The following NBEA variants were observed in gnomAD, a reference collection of about 807,000 sequenced individuals.
NBEA encodes neurobeachin.
Under a neutral mutation model 343.4 loss-of-function variants are expected in NBEA, and 44 were observed. The observed-to-expected ratio is 0.13, with a 90% confidence interval of 0.10 to 0.16. The LOEUF is 0.16. Among genes scored for constraint, NBEA ranks in the 10% least tolerant of loss-of-function variants. The pLI is 1.00. For missense variants in NBEA, 2,555 were observed against 3,631.3 expected (o/e 0.70, Z 7.62); for synonymous variants, 1,175 against 1,238.7 (o/e 0.95, Z 1.08).
Position 35,374,470 on chromosome 13 carries a change from G to A in NBEA, c.6179+22147G>A, listed in dbSNP as rs568696450. The stretch of plus-strand genomic sequence containing the variant: ...TAAATGAGCACGTGGCACCAAGAGA[G>A]TTGCTTGATACAGGGTTGTCACAGA... On this transcript the variant is annotated intron_variant, in intron 38 of 58. Coordinates refer to ENST00000379939, the MANE Select transcript of NBEA (RefSeq NM_001385012.1). Among the ~76,000 whole-genome samples, 5 of 152,304 alleles carry A rather than the reference G, an allele frequency of 3.3e-5. No individual in the cohort carries two copies. In the South Asian group the frequency reaches 1.0e-3, roughly 32 times the overall value.
chr13:35,342,112 T>C lies in NBEA; in HGVS notation c.5904-6996T>C, dbSNP rs1174442402. Among the ~76,000 whole-genome samples the C allele has an allele frequency of 2.0e-5, 3 of 152,132 alleles. No homozygotes were observed. The East Asian group carries it at 5.8e-4, about 30-fold the overall frequency. ...CTACCTGAAAGAAGCCAGACACATA[T>C]TGTATGATTCCATTTAAATGAAATG... is the stretch of plus-strand genomic sequence containing the variant. On this transcript the variant is annotated intron_variant, in intron 36 of 58. Transcript: ENST00000379939.
intron 34 of NBEA, 38 bp from the exon 35 acceptor site, chr13:35,290,351 T>G: frequency 2.2e-6 from 3 of 1,337,726 alleles, no homozygotes; most frequent in Non-Finnish European, 3.2e-6. Flanking sequence ...ATTTCTGCCA[T>G]TGTAATTTCA....
At chr13:35,556,393 G>A (rs995568219) in intron 44 of NBEA, among the ~76,000 whole-genome samples, 1 of 152,026 alleles carries the variant, frequency 6.6e-6, no homozygotes, top group Non-Finnish European at 1.5e-5. Flanking sequence ...TGGAGCATAA[G>A]TTGAATTTTA....
chr13:35,189,005 C>T (rs2152736263), intron 30 of NBEA, among the ~76,000 whole-genome samples: 1 of 151,110 alleles, frequency 6.6e-6, no homozygotes, highest in South Asian at 2.1e-4. Context: ...CTGCAACCTC[C>T]ACCTCCCGGG....
chr13:35,288,683 T>G (rs931759218), intron 34 of NBEA, among the ~76,000 whole-genome samples: 2 of 151,958 alleles, frequency 1.3e-5, no homozygotes, highest in African/African-American at 4.8e-5. Context: ...CAATTTCATG[T>G]TTTTCCAATT....
intron 40 of NBEA, among the ~76,000 whole-genome samples, chr13:35,470,251 G>T (rs937884016): frequency 1.3e-5 from 2 of 152,248 alleles, no homozygotes; most frequent in Middle Eastern, 3.4e-3. Context: ...AAAGGAAGCC[G>T]TCCCCTTTCA....
intron 34 of NBEA, among the ~76,000 whole-genome samples, chr13:35,238,671 G>A (rs767164441): frequency 2.0e-5 from 3 of 152,130 alleles, no homozygotes; most frequent in Non-Finnish European, 4.4e-5. Flanking sequence ...AGGTGTCTGA[G>A]ATACATGAGG....
At chr13:35,093,918 C>G (rs2065204510) in intron 10 of NBEA, among the ~76,000 whole-genome samples, 2 of 151,556 alleles carry the variant, frequency 1.3e-5, no homozygotes, top group South Asian at 4.2e-4. Context: ...ATGAAAGGAG[C>G]TTATAATAAA....
At chr13:35,151,312 G>A (rs1017703828) in intron 18 of NBEA, among the ~76,000 whole-genome samples, 2 of 151,962 alleles carry the variant, frequency 1.3e-5, no homozygotes, top group Admixed American at 6.6e-5. Flanking sequence ...GGGAGGCCGA[G>A]GTGGGTGGAT....
chr13:34,995,714 ACT>A (rs1230477132), intron 1 of NBEA, among the ~76,000 whole-genome samples: 4 of 152,174 alleles, frequency 2.6e-5, no homozygotes, highest in Non-Finnish European at 5.9e-5. Flanking sequence ...TAACTAATAA[ACT>A]CAGCTTTTTG....
chr13:35,491,332 C>T (rs1179902239), intron 41 of NBEA, among the ~76,000 whole-genome samples: 1 of 151,860 alleles, frequency 6.6e-6, no homozygotes, highest in African/African-American at 2.4e-5. Flanking sequence ...ACATTGATCA[C>T]TCTTAAATTT....
intron 41 of NBEA, among the ~76,000 whole-genome samples, chr13:35,486,233 C>G (rs1447490515): frequency 6.6e-6 from 1 of 151,980 alleles, no homozygotes; most frequent in Non-Finnish European, 1.5e-5. Context: ...CAAATATGAT[C>G]TTTTAAGTTA....
At chr13:35,236,762 CT>C (rs573686467) in intron 34 of NBEA, among the ~76,000 whole-genome samples, 6,477 of 145,946 alleles carry the variant, frequency 0.044, 143 homozygotes, top group African/African-American at 0.054. Flanking sequence ...GGCCTAAACC[CT>C]TTTTTTTTTT....
At chr13:35,373,568 G>C (rs2041568098) in intron 38 of NBEA, among the ~76,000 whole-genome samples, 1 of 151,722 alleles carries the variant, frequency 6.6e-6, no homozygotes, top group South Asian at 2.1e-4. Flanking sequence ...AGCCGGGCAT[G>C]GTGGTGCATG....
intron 38 of NBEA, among the ~76,000 whole-genome samples, chr13:35,431,090 GA>G (rs1308191663): frequency 5.3e-5 from 8 of 151,678 alleles, no homozygotes; most frequent in Non-Finnish European, 1.0e-4. Context: ...GCCATACATT[GA>G]AAAAATCCAT....
intron 36 of NBEA, among the ~76,000 whole-genome samples, chr13:35,346,451 T>C (rs1387680620): frequency 6.6e-6 from 1 of 152,148 alleles, no homozygotes. Flanking sequence ...TAGCTTCTTT[T>C]AATTTTCCAT....
rs767636645 is a variant in NBEA, at chr13:35,109,441, A to G, written c.1832A>G (p.Lys611Arg). The G allele has an allele frequency of 7.5e-6, 12 of 1,601,524 alleles. No individual in the cohort carries two copies. In the South Asian group the frequency reaches 7.9e-5, roughly 10 times the overall value. Reference sequence around the variant, plus strand: ...GCCATCTGGATACATACACCTGCAAAGGTATGAATTTTATACTTATTCAGT... The same window carrying G: ...GCCATCTGGATACATACACCTGCAAGGGTATGAATTTTATACTTATTCAGT... ...NPAIWIHTPA[K>R]VQLSLYTYLS... is the part of the protein sequence containing the mutation. The change falls in exon 12 of 59, where the codon AAG becomes AGG. Residue 611 changes from lysine to arginine, a missense_variant and splice_region_variant. Physicochemically the swap from Lys to Arg is conservative, Grantham distance 26. Transcript: ENST00000379939.
At chr13:35,599,417 G>A (rs2081954478) in intron 47 of NBEA, among the ~76,000 whole-genome samples, 1 of 152,182 alleles carries the variant, frequency 6.6e-6, no homozygotes. Flanking sequence ...AGTGACAGTG[G>A]GGCAGCTTGA....
At chr13:35,280,317 C>G (rs566242132) in intron 34 of NBEA, among the ~76,000 whole-genome samples, 2 of 152,178 alleles carry the variant, frequency 1.3e-5, no homozygotes, top group South Asian at 4.1e-4. Context: ...TCTACATCCT[C>G]TCATGAGTAA....
Sources: gnomAD v4.1 joint callset for allele counts (sites outside exome capture counted in the v4.1 genomes callset) on GRCh38, gnomAD v4.1.1 for gene constraint, MANE v1.5 for transcripts, NCBI Gene and HGNC (gene_info 2026-07-23, HGNC 2026-07-21) for gene names.